GALNT13: variants seen among roughly 807,000 people sequenced by gnomAD.
GALNT13 encodes the protein polypeptide N-acetylgalactosaminyltransferase 13.
GALNT13 carries 28 observed loss-of-function variants against 64.2 expected under a neutral mutation model. The observed-to-expected ratio is 0.44, with a 90% CI of 0.32 to 0.60. The LOEUF is 0.60. Among genes scored for constraint, GALNT13 ranks in the 20% least tolerant of loss-of-function variants. The pLI, the probability that GALNT13 is intolerant of heterozygous loss-of-function variation, is 0.05. For synonymous variants in GALNT13, 214 were observed against 224.6 expected (o/e 0.95, Z 0.42); for missense variants, 577 against 669.8 (o/e 0.86, Z 1.53).
chr2:154,282,604 T>G (rs1692021284), intron 8 of GALNT13, among the ~76,000 whole-genome samples: 1 of 152,182 alleles, frequency 6.6e-6, no homozygotes, highest in African/African-American at 2.4e-5. Context: ...AAATGACTTG[T>G]TCCAAATTCT....
At chr2:153,925,037 G>A (rs926066037) in intron 2 of GALNT13, among the ~76,000 whole-genome samples, 1 of 152,062 alleles carries the variant, frequency 6.6e-6, no homozygotes, top group Non-Finnish European at 1.5e-5. Flanking sequence ...TTTCTTTGCT[G>A]TGCAGAAGCT....
At chr2:154,270,433 C>T (rs78481907) in intron 8 of GALNT13, among the ~76,000 whole-genome samples, 6,149 of 151,618 alleles carry the variant, frequency 0.041, 186 homozygotes, top group Non-Finnish European at 0.058. Context: ...TTGAGGTGGT[C>T]GGTACCACCC....
the GALNT13 span, among the ~76,000 whole-genome samples, chr2:153,669,380 C>T: frequency 5.0e-3 from 756 of 152,326 alleles, 9 homozygotes; most frequent in African/African-American, 0.017. Flanking sequence ...CTCCCCACAT[C>T]CACACTGCTG....
intron 9 of GALNT13, among the ~76,000 whole-genome samples, chr2:154,383,719 G>A (rs1445547323): frequency 2.0e-5 from 3 of 151,658 alleles, no homozygotes; most frequent in African/African-American, 7.3e-5. Flanking sequence ...TTATCAATGA[G>A]GCCAACTAAT....
intron 3 of GALNT13, among the ~76,000 whole-genome samples, chr2:154,022,816 T>C (rs903114597): frequency 4.2e-5 from 6 of 143,356 alleles, no homozygotes; most frequent in Non-Finnish European, 8.0e-5. Flanking sequence ...CTTTCCTGCT[T>C]TCTCTTGTGG....
chr2:154,427,604 T>C (rs1431940361), intron 11 of GALNT13, among the ~76,000 whole-genome samples: 2 of 152,172 alleles, frequency 1.3e-5, no homozygotes, highest in Non-Finnish European at 2.9e-5. Flanking sequence ...ACAGATGATG[T>C]TGAGGACAGG....
chr2:153,415,472 G>C, the GALNT13 span, among the ~76,000 whole-genome samples: 1 of 152,134 alleles, frequency 6.6e-6, no homozygotes, highest in South Asian at 2.1e-4. Context: ...TGATTCTGAA[G>C]GTTACTCATG....
At chr2:154,107,140 A>G (rs989796473) in intron 3 of GALNT13, among the ~76,000 whole-genome samples, 13 of 152,168 alleles carry the variant, frequency 8.5e-5, no homozygotes, top group Non-Finnish European at 1.6e-4. Context: ...CATCACCATA[A>G]GCTGAGCAGA....
the GALNT13 span, among the ~76,000 whole-genome samples, chr2:153,272,837 T>C: frequency 0.026 from 3,984 of 151,652 alleles, 175 homozygotes; most frequent in African/African-American, 0.092. Context: ...TGCAGCACTA[T>C]TCACAATCGC....
chr2:154,267,041 A>C (rs1691044970), intron 8 of GALNT13, among the ~76,000 whole-genome samples: 1 of 152,112 alleles, frequency 6.6e-6, no homozygotes, highest in South Asian at 2.1e-4. Flanking sequence ...AAATAAACTT[A>C]ACACATACGT....
At chr2:154,141,046 T>A (rs1276739583) in intron 4 of GALNT13, among the ~76,000 whole-genome samples, 1 of 152,172 alleles carries the variant, frequency 6.6e-6, no homozygotes, top group Non-Finnish European at 1.5e-5. Flanking sequence ...AACATTATGT[T>A]AAGTATTTTT....
intron 3 of GALNT13, among the ~76,000 whole-genome samples, chr2:154,003,648 C>A (rs568817688): frequency 6.6e-6 from 1 of 152,264 alleles, no homozygotes; most frequent in African/African-American, 2.4e-5. Flanking sequence ...TTACCCAAAT[C>A]TCATGTTCTT....
the GALNT13 span, among the ~76,000 whole-genome samples, chr2:153,134,925 T>C: frequency 6.6e-6 from 1 of 151,932 alleles, no homozygotes; most frequent in Non-Finnish European, 1.5e-5. Context: ...GAGCACAGGG[T>C]TTGGGGGCTG....
intron 11 of GALNT13, among the ~76,000 whole-genome samples, chr2:154,412,925 A>T (rs1167697029): frequency 2.0e-5 from 3 of 151,880 alleles, no homozygotes; most frequent in African/African-American, 7.2e-5. Flanking sequence ...CAACTTCATG[A>T]TAATCATTAA....
the GALNT13 span, among the ~76,000 whole-genome samples, chr2:153,748,724 G>A: frequency 6.6e-6 from 1 of 151,910 alleles, no homozygotes; most frequent in Non-Finnish European, 1.5e-5. Flanking sequence ...TTTGTGAGTT[G>A]TCTCTTCACT....
chr2:154,273,786 A>G (rs576650629), intron 8 of GALNT13, among the ~76,000 whole-genome samples: 37 of 152,220 alleles, frequency 2.4e-4, no homozygotes, highest in Non-Finnish European at 4.6e-4. Flanking sequence ...GCATTCCTCA[A>G]ACTGTATCCC....
chr2:153,082,235 T>C, the GALNT13 span, among the ~76,000 whole-genome samples: 1 of 152,196 alleles, frequency 6.6e-6, no homozygotes, highest in South Asian at 2.1e-4. Context: ...TAGTGACTTC[T>C]GAGATTTTTG....
the GALNT13 span, among the ~76,000 whole-genome samples, chr2:153,527,646 G>A: frequency 6.6e-6 from 1 of 152,112 alleles, no homozygotes; most frequent in East Asian, 1.9e-4. Flanking sequence ...CCCTGTAACT[G>A]TGGTGTGTAA....
chr2:154,060,871 G>A (rs535411578), intron 3 of GALNT13, among the ~76,000 whole-genome samples: 2 of 151,946 alleles, frequency 1.3e-5, no homozygotes, highest in African/African-American at 2.4e-5. Context: ...CCTCCAGGGG[G>A]ACACAGCAAG....
Sources: allele counts gnomAD v4.1 joint callset (sites outside exome capture counted in the v4.1 genomes callset), GRCh38; gene constraint gnomAD v4.1.1; transcripts MANE v1.5; gene names NCBI Gene and HGNC (gene_info 2026-07-23, HGNC 2026-07-21).